IGSF10: variants seen among roughly 807,000 people sequenced by gnomAD.
IGSF10 encodes the protein immunoglobulin superfamily member 10.
A neutral mutation model predicts 128.2 loss-of-function variants in IGSF10; 126 were observed. The observed-to-expected ratio is 0.98, with a 90% CI of 0.85 to 1.14. The LOEUF is 1.14. Ranked by LOEUF, IGSF10 falls within the 50% of genes most tolerant of loss-of-function variation. IGSF10 has a pLI of 0.00. For synonymous variants in IGSF10, 1,185 were observed against 1,146.2 expected (o/e 1.03, Z -0.68); for missense variants, 3,295 against 3,149.8 (o/e 1.05, Z -1.10).
At chr3:151,520,039 A>C in the IGSF10 span, among the ~76,000 whole-genome samples, 5 of 151,990 alleles carry the variant, frequency 3.3e-5, no homozygotes, top group South Asian at 6.2e-4. Context: ...TTGGTTCACC[A>C]GATTCCCTTT....
At chr3:151,565,513 C>A in the IGSF10 span, among the ~76,000 whole-genome samples, 1 of 152,068 alleles carries the variant, frequency 6.6e-6, no homozygotes, top group Non-Finnish European at 1.5e-5. Flanking sequence ...ATCAAGAAAG[C>A]CAGGCCTGCC....
At chr3:151,473,520 C>T in the IGSF10 span, among the ~76,000 whole-genome samples, 1 of 152,108 alleles carries the variant, frequency 6.6e-6, no homozygotes, top group Admixed American at 6.5e-5. Context: ...TGGGAATTAC[C>T]TATGTTGGTA....
At chr3:151,605,228 G>C in the IGSF10 span, among the ~76,000 whole-genome samples, 1 of 151,508 alleles carries the variant, frequency 6.6e-6, no homozygotes, top group African/African-American at 2.4e-5. Context: ...GCATGTGAAT[G>C]ACCACAAAAT....
At chr3:151,466,622 A>C in the IGSF10 span, among the ~76,000 whole-genome samples, 1 of 152,166 alleles carries the variant, frequency 6.6e-6, no homozygotes, top group Non-Finnish European at 1.5e-5. Context: ...TCTGTCTCCC[A>C]GGCTGGAGTG....
chr3:151,479,247 A>G, the IGSF10 span, among the ~76,000 whole-genome samples: 5 of 152,122 alleles, frequency 3.3e-5, no homozygotes, highest in Admixed American at 3.3e-4. Context: ...ACAAGCTAGG[A>G]CAGATTTACC....
At chr3:151,564,039 T>C in the IGSF10 span, among the ~76,000 whole-genome samples, 1 of 152,190 alleles carries the variant, frequency 6.6e-6, no homozygotes, top group African/African-American at 2.4e-5. Flanking sequence ...TTTATGTTCC[T>C]AAACACATCT....
the IGSF10 span, among the ~76,000 whole-genome samples, chr3:151,605,683 A>T: frequency 2.6e-5 from 4 of 152,202 alleles, no homozygotes; most frequent in Non-Finnish European, 5.9e-5. Flanking sequence ...AGGCTAGGTG[A>T]CTTGATCAAG....
chr3:151,571,317 T>G, the IGSF10 span, among the ~76,000 whole-genome samples: 1 of 152,204 alleles, frequency 6.6e-6, no homozygotes, highest in Non-Finnish European at 1.5e-5. Context: ...TAAATTACCT[T>G]GGACAGTATG....
the IGSF10 span, among the ~76,000 whole-genome samples, chr3:151,474,312 C>A: frequency 6.6e-6 from 1 of 152,128 alleles, no homozygotes; most frequent in African/African-American, 2.4e-5. Flanking sequence ...ACACTACTAC[C>A]AAATACCTTA....
At chr3:151,505,232 T>C in the IGSF10 span, among the ~76,000 whole-genome samples, 1 of 152,170 alleles carries the variant, frequency 6.6e-6, no homozygotes, top group Non-Finnish European at 1.5e-5. Flanking sequence ...TCAGGAAACT[T>C]ACAATCATGG....
chr3:151,606,706 T>C, the IGSF10 span, among the ~76,000 whole-genome samples: 1 of 152,182 alleles, frequency 6.6e-6, no homozygotes, highest in African/African-American at 2.4e-5. Flanking sequence ...AGCATGGAGA[T>C]AGACACACAC....
At chr3:151,538,668 G>A in the IGSF10 span, among the ~76,000 whole-genome samples, 1 of 152,046 alleles carries the variant, frequency 6.6e-6, no homozygotes, top group African/African-American at 2.4e-5. Context: ...TTTCCATAAA[G>A]AAATTTAATT....
the IGSF10 span, among the ~76,000 whole-genome samples, chr3:151,501,294 A>C: frequency 6.6e-6 from 1 of 152,034 alleles, no homozygotes. Flanking sequence ...TAGCCCATTC[A>C]TTCAAGAGCT....
Position 151,438,279 on chromosome 3 carries a change from C to T in IGSF10, c.6282G>A (p.Arg2094=), listed in dbSNP as rs760233090. ...MQADDSGHRT[R]RYTLFNNGTL... ...TTCCATTGTTGAAAAGGGTATATCT[C>T]CTAGTCCTGTGGCCACTGTCATCGG... Residue 2094 remains arginine, a synonymous_variant, in exon 8 of 8, where the codon AGG becomes AGA. Coordinates refer to ENST00000282466, the MANE Select transcript of IGSF10 (RefSeq NM_178822.5). 7.4e-6 allele frequency: 12 copies of T among 1,614,070 alleles called. No individual in the cohort carries two copies. Among genetic ancestry groups the T allele is most frequent in the African/African-American group, 1.3e-5 (1 of 74,912 alleles).
the IGSF10 span, among the ~76,000 whole-genome samples, chr3:151,560,069 G>A: frequency 6.6e-6 from 1 of 152,088 alleles, no homozygotes; most frequent in South Asian, 2.1e-4. Flanking sequence ...TATGACTGCA[G>A]AAGACCAGGA....
At chr3:151,517,647 A>G in the IGSF10 span, among the ~76,000 whole-genome samples, 1 of 151,956 alleles carries the variant, frequency 6.6e-6, no homozygotes, top group Non-Finnish European at 1.5e-5. Flanking sequence ...TGTTTTGGTT[A>G]CACTCTCACC....
intron 7 of IGSF10, among the ~76,000 whole-genome samples, chr3:151,440,402 T>C (rs976408418): frequency 1.3e-5 from 2 of 152,104 alleles, no homozygotes; most frequent in Non-Finnish European, 2.9e-5. Flanking sequence ...GAAAATTTTT[T>C]TTTCCCCAAG....
At chr3:151,576,147 G>A in the IGSF10 span, among the ~76,000 whole-genome samples, 2 of 151,334 alleles carry the variant, frequency 1.3e-5, no homozygotes, top group Non-Finnish European at 2.9e-5. Context: ...TCCAGTTTCT[G>A]CTATATCAAG....
chr3:151,543,641 GCA>G, the IGSF10 span, among the ~76,000 whole-genome samples: 1 of 152,158 alleles, frequency 6.6e-6, no homozygotes, highest in Non-Finnish European at 1.5e-5. Context: ...AAGCCCCTGT[GCA>G]CAGTGTCAGC....
Sources: allele counts gnomAD v4.1 joint callset (sites outside exome capture counted in the v4.1 genomes callset), GRCh38; gene constraint gnomAD v4.1.1; transcripts MANE v1.5; gene names NCBI Gene and HGNC (gene_info 2026-07-23, HGNC 2026-07-21).